The following FARP1 variants were observed in gnomAD, a reference collection of about 807,000 sequenced individuals.
The protein encoded by FARP1 is FERM, ARHGEF and pleckstrin domain-containing protein 1.
FARP1 carries 52 observed loss-of-function variants against 128.8 expected under a neutral mutation model. That is an observed-to-expected ratio of 0.40 (90% CI 0.32 to 0.51). FARP1 has a LOEUF of 0.51. Ranked by LOEUF, FARP1 falls within the 20% of genes least tolerant of loss-of-function variation. The pLI is 0.45. For synonymous variants in FARP1, 580 were observed against 551.8 expected (o/e 1.05, Z -0.72); for missense variants, 1,333 against 1,367.9 (o/e 0.97, Z 0.40).
chr13:98,353,629 C>T (rs1455014469), intron 3 of FARP1, among the ~76,000 whole-genome samples: 7 of 152,136 alleles, frequency 4.6e-5, no homozygotes, highest in Admixed American at 2.0e-4. Flanking sequence ...CCACCTGCCT[C>T]GGCCTCCCAA....
At chr13:98,333,792 A>G (rs1466556718) in intron 2 of FARP1, 1 of 151,796 alleles carries the variant, frequency 6.6e-6, no homozygotes, top group East Asian at 1.9e-4. Flanking sequence ...ACATTTAGCT[A>G]CTTTGCCCCA....
intron 3 of FARP1, among the ~76,000 whole-genome samples, chr13:98,358,903 C>T (rs918430403): frequency 3.9e-5 from 6 of 152,144 alleles, no homozygotes; most frequent in Non-Finnish European, 8.8e-5. Flanking sequence ...TCCCAAAGTG[C>T]TGGAATTACA....
chr13:98,157,801 T>C (rs1876595483), intron 1 of FARP1, among the ~76,000 whole-genome samples: 1 of 152,254 alleles, frequency 6.6e-6, no homozygotes, highest in Non-Finnish European at 1.5e-5. Flanking sequence ...TCCTAATGCC[T>C]GGCAGAGTGC....
At chr13:98,187,809 C>T (rs1194488274) in intron 1 of FARP1, among the ~76,000 whole-genome samples, 3 of 152,104 alleles carry the variant, frequency 2.0e-5, no homozygotes, top group Non-Finnish European at 4.4e-5. Context: ...AGTTAGTTAT[C>T]TTATTTTCAT....
chr13:98,218,004 G>T (rs914548265), intron 2 of FARP1, among the ~76,000 whole-genome samples: 2 of 152,076 alleles, frequency 1.3e-5, no homozygotes, highest in African/African-American at 2.4e-5. Flanking sequence ...AGTCCGGCCC[G>T]CCAGACCCTC....
chr13:98,361,863 GCT>G (rs765316464), intron 3 of FARP1, among the ~76,000 whole-genome samples: 7 of 152,128 alleles, frequency 4.6e-5, no homozygotes, highest in Non-Finnish European at 1.0e-4. Context: ...GGGTTTTAGA[GCT>G]CTGTGTTCGC....
chr13:98,294,867 AT>A (rs2139676609), intron 2 of FARP1, among the ~76,000 whole-genome samples: 1 of 152,046 alleles, frequency 6.6e-6, no homozygotes, highest in South Asian at 2.1e-4. Flanking sequence ...AAATACAAAA[AT>A]TAGCTGGGCG....
chr13:98,267,013 CAAA>C (rs368229193), intron 2 of FARP1, among the ~76,000 whole-genome samples: 820 of 64,278 alleles, frequency 0.013, 9 homozygotes, highest in African/African-American at 0.029. Context: ...ACTCCCATCT[CAAA>C]AAAAAAAAAA....
chr13:98,165,709 GGTTTTTTTTTTTT>G (rs1877203847), intron 1 of FARP1, among the ~76,000 whole-genome samples: 3 of 102,406 alleles, frequency 2.9e-5, no homozygotes, highest in Non-Finnish European at 6.0e-5. Context: ...TTCCAGAAGG[GGTTTTTTTTTTTT>G]TTTTTTTTTT....
chr13:98,185,377 G>A (rs1393456939), intron 1 of FARP1, among the ~76,000 whole-genome samples: 2 of 152,132 alleles, frequency 1.3e-5, no homozygotes, highest in African/African-American at 4.8e-5. Flanking sequence ...CGTTGGGATT[G>A]GTAAGATAAA....
chr13:98,374,714 C>A (rs1351013714), intron 5 of FARP1, among the ~76,000 whole-genome samples: 1 of 152,152 alleles, frequency 6.6e-6, no homozygotes, highest in Non-Finnish European at 1.5e-5. Flanking sequence ...ATACCTGAGG[C>A]AGGGTAATTT....
chr13:98,453,014 G>C lies in FARP1; in HGVS notation c.*4697G>C. 1 of 688,270 alleles carries C rather than the reference G, an allele frequency of 1.5e-6. No individual in the cohort carries two copies. The allele number at this position is 688,270 out of a possible 1,614,324, so 42.6% of individuals were successfully genotyped here. A position where few individuals can be genotyped will look rare whatever the true frequency, so the allele number is the denominator to read the frequency against. On this transcript the variant is annotated 3_prime_UTR_variant, in exon 27 of 27. Coordinates refer to ENST00000319562, the MANE Select transcript of FARP1 (RefSeq NM_005766.4). ...AGACTTCATCTGGCTGCAGCACAGT[G>C]AAGACTGTGTGTGTCCCTGGACGGG... is the stretch of plus-strand genomic sequence containing the variant.
At chr13:98,180,242 G>A (rs1481366580) in intron 1 of FARP1, among the ~76,000 whole-genome samples, 4 of 152,122 alleles carry the variant, frequency 2.6e-5, no homozygotes, top group Non-Finnish European at 4.4e-5. Flanking sequence ...GAAGGCAAAG[G>A]GGGAGCAGGC....
intron 2 of FARP1, among the ~76,000 whole-genome samples, chr13:98,249,384 C>T (rs148634076): frequency 6.6e-6 from 1 of 152,286 alleles, no homozygotes; most frequent in East Asian, 1.9e-4. Flanking sequence ...TACGATACTT[C>T]TTTTATGTGA....
At chr13:98,187,120 A>T (rs962034117) in intron 1 of FARP1, among the ~76,000 whole-genome samples, 1 of 150,812 alleles carries the variant, frequency 6.6e-6, no homozygotes, top group Non-Finnish European at 1.5e-5. Flanking sequence ...TGGCAATTCT[A>T]TATTTAATTT....
chr13:98,353,641 G>A (rs1173366611), intron 3 of FARP1, among the ~76,000 whole-genome samples: 7 of 152,248 alleles, frequency 4.6e-5, no homozygotes, highest in Non-Finnish European at 1.0e-4. Context: ...GCCTCCCAAA[G>A]TGCTAGGATT....
At chr13:98,435,775 T>C (rs754889872) in intron 19 of FARP1, 69 bp downstream of exon 19, 1 of 1,533,664 alleles carries the variant, frequency 6.5e-7, no homozygotes, top group East Asian at 2.3e-5. Flanking sequence ...GACTTACATT[T>C]GAACCTTTTG....
At chr13:98,387,132 C>T (rs1371006298) in intron 8 of FARP1, among the ~76,000 whole-genome samples, 1 of 152,108 alleles carries the variant, frequency 6.6e-6, no homozygotes, top group African/African-American at 2.4e-5. Flanking sequence ...GAAACCCCGT[C>T]TCTACTAAAA....
At chr13:98,389,025 G>A (rs1890205583) in intron 9 of FARP1, among the ~76,000 whole-genome samples, 1 of 152,254 alleles carries the variant, frequency 6.6e-6, no homozygotes, top group African/African-American at 2.4e-5. Flanking sequence ...CAGAAATGGC[G>A]ACGGAGGAGG....
Sources: gnomAD v4.1 joint callset for allele counts (sites outside exome capture counted in the v4.1 genomes callset) on GRCh38, gnomAD v4.1.1 for gene constraint, MANE v1.5 for transcripts, NCBI Gene and HGNC (gene_info 2026-07-23, HGNC 2026-07-21) for gene names.